Variants in TXNRD3 observed in about 807,000 individuals in gnomAD.
TXNRD3 encodes the protein thioredoxin reductase 3.
A neutral mutation model predicts 78.2 loss-of-function variants in TXNRD3; 68 were observed. That is an observed-to-expected ratio of 0.87 (90% confidence interval 0.72 to 1.06). The LOEUF is 1.06. Among genes scored for constraint, TXNRD3 ranks in the 50% least tolerant of loss-of-function variants. TXNRD3 has a pLI of 0.00. For missense variants in TXNRD3, 751 were observed against 809.5 expected, an observed-to-expected ratio of 0.93 and a Z score of 0.88; for synonymous variants, 296 against 300.1, an observed-to-expected ratio of 0.99 and a Z score of 0.14.
chr3:126,653,241 T>C (rs984955462), intron 1 of TXNRD3, among the ~76,000 whole-genome samples: 4 of 152,232 alleles, frequency 2.6e-5, no homozygotes, highest in African/African-American at 9.6e-5. Flanking sequence ...ACTGGTTTTG[T>C]TACATGCCAT....
chr3:126,645,274 C>A (rs1933199546), intron 3 of TXNRD3, among the ~76,000 whole-genome samples: 1 of 152,180 alleles, frequency 6.6e-6, no homozygotes. Context: ...CAAGAAATAT[C>A]TTTCTGTCTT....
intron 15 of TXNRD3, 52 bp downstream of exon 15, chr3:126,608,446 GT>G: frequency 6.8e-7 from 1 of 1,470,676 alleles, no homozygotes; most frequent in East Asian, 2.5e-5. Flanking sequence ...CTTTATAATA[GT>G]TTTTCAAACT....
intron 6 of TXNRD3, among the ~76,000 whole-genome samples, chr3:126,637,932 C>CTCTCTTTTTTTTTTTTTT (rs1444254294): frequency 1.7e-5 from 1 of 60,190 alleles, no homozygotes; most frequent in Non-Finnish European, 2.8e-5. Context: ...ATTTCTCTCT[C>CTCTCTTTTTTTTTTTTTT]TTTTTTTTTT....
chr3:126,607,323 A>T lies in TXNRD3; in HGVS notation c.*582T>A, dbSNP rs1938069841. On this transcript the variant is annotated 3_prime_UTR_variant, in exon 16 of 16. Transcript: ENST00000524230. ...AAGCATGAGTCAGCGTTTTGACAGT[A>T]GGTTAAATGTGCCTCAAAAAAGAAA... 4.6e-5 allele frequency: 7 copies of T among 152,448 alleles called. No homozygotes were observed. In the South Asian group the frequency reaches 1.4e-3, roughly 32 times the overall value. 9.4% of individuals were successfully genotyped at this position (152,448 alleles called of 1,614,324 possible). A position where few individuals can be genotyped will look rare whatever the true frequency, so the allele number is the denominator to read the frequency against.
chr3:126,629,147 T>C (rs1938649871), intron 10 of TXNRD3, among the ~76,000 whole-genome samples: 1 of 152,196 alleles, frequency 6.6e-6, no homozygotes, highest in Non-Finnish European at 1.5e-5. Context: ...TCTGGATATA[T>C]GTGCTTCCAA....
chr3:126,642,052 C>G lies in TXNRD3; in HGVS notation c.692G>C (p.Gly231Ala), dbSNP rs1469301223. The change falls in exon 6 of 16, where the codon GGC becomes GCC. Residue 231 changes from glycine to alanine, a missense_variant. Coordinates refer to ENST00000524230, the MANE Select transcript of TXNRD3 (RefSeq NM_052883.3). ...CTCACCTTGTTGATTATATTCCCAG[C>G]CAAATTTCCTTGAGTCACATAATGC... 34 of 1,535,204 alleles carry G rather than the reference C, an allele frequency of 2.2e-5. No individual in the cohort carries two copies. The highest frequency in any genetic ancestry group is 2.8e-5 in the Non-Finnish European group (32 of 1,146,622).
Position 126,654,884 on chromosome 3 carries a change from C to T in TXNRD3, c.107G>A (p.Arg36His). The T allele has an allele frequency of 7.5e-7, 1 of 1,326,760 alleles. No homozygotes were observed. Among genetic ancestry groups the T allele is most frequent in the Non-Finnish European group, 9.6e-7 (1 of 1,046,992 alleles). The allele number at this position is 1,326,760 out of a possible 1,614,324, so 82.2% of individuals were successfully genotyped here. ...CCCGGGGGACGACAGGCGGGCACGG[C>T]GCCCCGGCGGCGACAACACGCGCGC... Residue 36 changes from arginine to histidine, a missense_variant, in exon 1 of 16, where the codon CGC becomes CAC. Coordinates refer to ENST00000524230, the MANE Select transcript of TXNRD3 (RefSeq NM_052883.3).
intron 13 of TXNRD3, among the ~76,000 whole-genome samples, chr3:126,614,731 T>G (rs1428979423): frequency 2.0e-5 from 3 of 152,266 alleles, no homozygotes; most frequent in African/African-American, 7.2e-5. Flanking sequence ...AATAATAAAT[T>G]AAATCATACA....
intron 1 of TXNRD3, among the ~76,000 whole-genome samples, chr3:126,653,471 G>A (rs139802850): frequency 6.6e-6 from 1 of 152,326 alleles, no homozygotes; most frequent in Non-Finnish European, 1.5e-5. Flanking sequence ...GAACACACTG[G>A]ACTTCATTTG....
intron 13 of TXNRD3, among the ~76,000 whole-genome samples, chr3:126,611,452 T>A (rs908859530): frequency 6.6e-6 from 1 of 152,216 alleles, no homozygotes; most frequent in Non-Finnish European, 1.5e-5. Context: ...TCGTGTGGGC[T>A]GCAGAGTTGA....
At position 126,617,813 on chromosome 3, in the gene TXNRD3, CA is replaced by C. The variant is rs1221740282; in HGVS notation, c.1525-2352del. 2.6e-5 allele frequency among the ~76,000 whole-genome samples: 4 copies of C among 152,184 alleles called. No individual in the cohort carries two copies. In the East Asian group the frequency reaches 5.8e-4, roughly 22 times the overall value. ...TCCCTCTTTGCAGACAATATGATCT[CA>C]TATGTAGAAAAACCTAAAGATTCCA... On this transcript the variant is annotated intron_variant, in intron 12 of 15. Transcript: ENST00000524230.
Position 126,621,897 on chromosome 3 carries a change from T to G in TXNRD3, c.1369A>C (p.Ser457Arg). 1 of 1,500,070 alleles carries G rather than the reference T, an allele frequency of 6.7e-7. No individual in the cohort carries two copies. The highest frequency in any genetic ancestry group is 8.8e-7 in the Non-Finnish European group (1 of 1,134,098). The allele number at this position is 1,500,070 out of a possible 1,614,324, so 92.9% of individuals were successfully genotyped here. The change falls in exon 12 of 16, where the codon AGT becomes CGT. Residue 457 changes from serine (S) to arginine (R), a missense_variant and splice_region_variant. Coordinates refer to ENST00000524230, the MANE Select transcript of TXNRD3 (RefSeq NM_052883.3). ...ACATCATTTACAGGTATTTTTCCAC[T>G]CCTATTAGTTTTTGAAATGGGAAAA...
Position 126,607,927 on chromosome 3 carries a change from G to A in TXNRD3, c.1910C>T (p.Thr637Ile). Residue 637 changes from threonine (T) to isoleucine (I), a missense_variant, in exon 16 of 16, where the codon ACT becomes ATT. Physicochemically the swap from Thr to Ile is moderately conservative, Grantham distance 89. Coordinates refer to ENST00000524230, the MANE Select transcript of TXNRD3 (RefSeq NM_052883.3). ...GGCCTAGCCTCAGCAGCCTTTCTGA[G>A]TGATGTCTAGTCCTGACGACTTTGT... 15 of 1,514,542 alleles carry A rather than the reference G, an allele frequency of 9.9e-6. No homozygotes were observed. Among genetic ancestry groups the A allele is most frequent in the Non-Finnish European group, 1.3e-5 (15 of 1,130,476 alleles). The allele number at this position is 1,514,542 out of a possible 1,614,324, so 93.8% of individuals were successfully genotyped here.
Position 126,654,853 on chromosome 3 carries a change from G to A in TXNRD3, c.138C>T (p.Ser46=). The A allele has an allele frequency of 7.4e-7, 1 of 1,358,484 alleles. No homozygotes were observed. Among genetic ancestry groups the A allele is most frequent in the South Asian group, 1.8e-5 (1 of 56,550 alleles). The allele number at this position is 1,358,484 out of a possible 1,614,324, so 84.2% of individuals were successfully genotyped here. A position where few individuals can be genotyped will look rare whatever the true frequency, so the allele number is the denominator to read the frequency against. ...GCTCCTCGCGGGCCTCGGACGAGCG[G>A]CTGGGCCCGGGGGACGACAGGCGGG... The change falls in exon 1 of 16, where the codon AGC becomes AGT. Residue 46 remains serine (S), a synonymous_variant. Transcript: ENST00000524230.
intron 12 of TXNRD3, among the ~76,000 whole-genome samples, chr3:126,618,861 G>C (rs1938377026): frequency 2.4e-5 from 2 of 83,024 alleles, no homozygotes; most frequent in African/African-American, 5.7e-5. Flanking sequence ...ACAACTCAGA[G>C]CCAAAAAAAA....
Position 126,611,063 on chromosome 3 carries a change from T to C in TXNRD3, c.1702A>G (p.Lys568Glu), listed in dbSNP as rs936221404. 3 of 1,523,674 alleles carry C rather than the reference T, an allele frequency of 2.0e-6. No homozygotes were observed. Among genetic ancestry groups the C allele is most frequent in the Non-Finnish European group, 2.6e-6 (3 of 1,140,218 alleles). The allele number at this position is 1,523,674 out of a possible 1,614,324, so 94.4% of individuals were successfully genotyped here. The change falls in exon 14 of 16, where the codon AAG becomes GAG. Residue 568 changes from lysine (K) to glutamate (E), a missense_variant. Lys to Glu is a moderately conservative substitution (Grantham distance 56). Coordinates refer to ENST00000524230, the MANE Select transcript of TXNRD3 (RefSeq NM_052883.3). The stretch of plus-strand genomic sequence containing the variant: ...TGGTCGAATTTATTGCAGATTATCT[T>C]TGCATAACAAGTGTTGTTCTCTCTG...
At chr3:126,625,693 T>C (rs1938565319) in intron 10 of TXNRD3, among the ~76,000 whole-genome samples, 1 of 152,142 alleles carries the variant, frequency 6.6e-6, no homozygotes, top group Non-Finnish European at 1.5e-5. Context: ...CTGGGTCAAA[T>C]GGTATTTCTA....
chr3:126,653,050 A>G (rs1933427796), intron 1 of TXNRD3, among the ~76,000 whole-genome samples: 1 of 152,206 alleles, frequency 6.6e-6, no homozygotes, highest in South Asian at 2.1e-4. Context: ...AAATTGGGTA[A>G]ATAATTTTCT....
intron 8 of TXNRD3, among the ~76,000 whole-genome samples, chr3:126,631,521 C>T (rs1938713931): frequency 6.6e-6 from 1 of 151,286 alleles, no homozygotes; most frequent in African/African-American, 2.4e-5. Flanking sequence ...AACTCCCAGG[C>T]TACTTCTAGG....
Sources: allele counts gnomAD v4.1 joint callset (sites outside exome capture counted in the v4.1 genomes callset), GRCh38; gene constraint gnomAD v4.1.1; transcripts MANE v1.5; gene names NCBI Gene and HGNC (gene_info 2026-07-23, HGNC 2026-07-21).